CEP83: variants seen among roughly 807,000 people sequenced by gnomAD.
The protein encoded by CEP83 is centrosomal protein 83.
Under a neutral mutation model 101.9 loss-of-function variants are expected in CEP83, and 70 were observed. That is an observed-to-expected ratio of 0.69 (90% CI 0.57 to 0.84). The LOEUF (loss-of-function observed/expected upper bound fraction) is 0.84, where lower values mean the gene tolerates loss of function less well. Among genes scored for constraint, CEP83 ranks in the 40% least tolerant of loss-of-function variants. The pLI, the probability that CEP83 is intolerant of heterozygous loss-of-function variation, is 0.00. For synonymous variants in CEP83, 264 were observed against 267.9 expected, an observed-to-expected ratio of 0.99 and a Z score of 0.14; for missense variants, 715 against 787.2, an observed-to-expected ratio of 0.91 and a Z score of 1.10.
chr12:94,443,758 A>G (rs1353875572), intron 1 of CEP83, among the ~76,000 whole-genome samples: 1 of 152,126 alleles, frequency 6.6e-6, no homozygotes. Flanking sequence ...AAGTGCTGGG[A>G]TTACAGGCAT....
rs529833311 is a variant in CEP83, at chr12:94,440,342, A to G, written c.-154-5015T>C. ...TGGTAAATGAATTCGGCAAAGTTTT[A>G]GGATACAAAATTGATGTACACAGAT... is the stretch of plus-strand genomic sequence containing the variant. On this transcript the variant is annotated intron_variant, in intron 1 of 16. Coordinates refer to ENST00000397809, the MANE Select transcript of CEP83 (RefSeq NM_016122.3). Among the ~76,000 whole-genome samples, 3 of 152,322 alleles carry G rather than the reference A, an allele frequency of 2.0e-5. No homozygotes were observed. The South Asian group carries it at 6.2e-4, about 32-fold the overall frequency.
intron 14 of CEP83, among the ~76,000 whole-genome samples, chr12:94,327,964 A>G (rs2059040552): frequency 6.6e-6 from 1 of 152,218 alleles, no homozygotes. Flanking sequence ...GCAAGATTAT[A>G]TAGTTATCAA....
At chr12:94,356,301 T>C (rs1366214483) in intron 11 of CEP83, among the ~76,000 whole-genome samples, 1 of 152,140 alleles carries the variant, frequency 6.6e-6, no homozygotes, top group Non-Finnish European at 1.5e-5. Context: ...AAGAGTATAG[T>C]GAAGTAACAG....
At chr12:94,302,343 A>G (rs139899977), downstream of CEP83, among the ~76,000 whole-genome samples, 14 of 152,302 alleles carry the variant, frequency 9.2e-5, no homozygotes, top group African/African-American at 3.4e-4. Flanking sequence ...TCTGTCTAGT[A>G]AAATCCTACC....
intron 6 of CEP83, 90 bp downstream of exon 6, chr12:94,400,760 G>A (rs1483091908): frequency 1.5e-5 from 10 of 684,850 alleles, no homozygotes; most frequent in African/African-American, 1.9e-5. Flanking sequence ...CTATACAATC[G>A]ACTCTAATTT....
chr12:94,430,597 G>A (rs569083900), intron 2 of CEP83, among the ~76,000 whole-genome samples: 4 of 152,182 alleles, frequency 2.6e-5, no homozygotes, highest in African/African-American at 7.2e-5. Context: ...AAAAAACAGT[G>A]AGCAAAGCCT....
the CEP83 span, among the ~76,000 whole-genome samples, chr12:94,284,082 C>T: frequency 2.5e-4 from 27 of 109,970 alleles, no homozygotes; most frequent in African/African-American, 9.4e-4. Flanking sequence ...GACTCCATGT[C>T]AGGGGAAAAA....
chr12:94,340,826 C>G (rs941597489), intron 11 of CEP83, among the ~76,000 whole-genome samples: 10 of 152,110 alleles, frequency 6.6e-5, no homozygotes, highest in Admixed American at 2.0e-4. Context: ...AGAGATAGGA[C>G]AGCAGACAAA....
At chr12:94,439,395 T>C (rs1566211627) in intron 1 of CEP83, among the ~76,000 whole-genome samples, 1 of 152,134 alleles carries the variant, frequency 6.6e-6, no homozygotes, top group Non-Finnish European at 1.5e-5. Flanking sequence ...ATGGCTACTA[T>C]GAACATCTTT....
chr12:94,392,712 T>C lies in CEP83; in HGVS notation c.549+8138A>G, dbSNP rs572173655. ...TCAATGAATCCAGGAGCTGGTTTTT[T>C]GAAAAGATCAACAAAATTGATAAAC... On this transcript the variant is annotated intron_variant, in intron 6 of 16. Coordinates refer to ENST00000397809, the MANE Select transcript of CEP83 (RefSeq NM_016122.3). 1.1e-3 allele frequency among the ~76,000 whole-genome samples: 166 copies of C among 152,248 alleles called. 1 individual carries two copies. Among genetic ancestry groups the C allele is most frequent in the African/African-American group, 3.3e-3 (137 of 41,540 alleles).
intron 14 of CEP83, among the ~76,000 whole-genome samples, chr12:94,313,605 G>A (rs576252645): frequency 2.1e-4 from 31 of 150,780 alleles, no homozygotes; most frequent in Admixed American, 5.3e-4. Flanking sequence ...TTGGGAGGCC[G>A]AGGCGGACAG....
chr12:94,391,711 AG>A (rs1195537348), intron 6 of CEP83, among the ~76,000 whole-genome samples: 12 of 152,154 alleles, frequency 7.9e-5, no homozygotes, highest in Admixed American at 7.9e-4. Flanking sequence ...AAGACCCATC[AG>A]TGTGCTGTAT....
intron 12 of CEP83, among the ~76,000 whole-genome samples, chr12:94,334,685 T>C (rs1169810986): frequency 6.6e-6 from 1 of 152,124 alleles, no homozygotes. Context: ...ACAATTCAGA[T>C]AGGATTCTGA....
chr12:94,459,443 T>C (rs1446534341), intron 1 of CEP83, 114 bp downstream of exon 1: 1 of 152,194 alleles, frequency 6.6e-6, no homozygotes, highest in Non-Finnish European at 1.5e-5. Flanking sequence ...AGCACGAGCT[T>C]CCACTACTTT....
At chr12:94,268,588 C>CTTTTTTTTTTTTTTTTTTTTTTTTTT in the CEP83 span, among the ~76,000 whole-genome samples, 1 of 90,884 alleles carries the variant, frequency 1.1e-5, no homozygotes. Context: ...AGAATAAGAC[C>CTTTTTTTTTTTTTTTTTTTTTTTTTT]TTTTTTTTTT....
the CEP83 span, among the ~76,000 whole-genome samples, chr12:94,274,398 C>G: frequency 1.3e-5 from 2 of 152,078 alleles, no homozygotes; most frequent in African/African-American, 4.8e-5. Flanking sequence ...CATGACCAGT[C>G]CCTGGTGAAA....
At chr12:94,265,901 A>AT in the CEP83 span, among the ~76,000 whole-genome samples, 1 of 152,016 alleles carries the variant, frequency 6.6e-6, no homozygotes, top group Non-Finnish European at 1.5e-5. Flanking sequence ...TTTGGGGCAC[A>AT]TTTGGGAATT....
chr12:94,410,733 T>C (rs971287008), intron 4 of CEP83, among the ~76,000 whole-genome samples: 1 of 152,200 alleles, frequency 6.6e-6, no homozygotes, highest in African/African-American at 2.4e-5. Context: ...TAAATTACAT[T>C]TCCCTCTTCG....
chr12:94,301,365 C>CA, the CEP83 span, among the ~76,000 whole-genome samples: 4 of 152,232 alleles, frequency 2.6e-5, no homozygotes, highest in African/African-American at 7.2e-5. Flanking sequence ...ACTATTAACC[C>CA]AAAATATGCA....
Sources: allele counts gnomAD v4.1 joint callset (sites outside exome capture counted in the v4.1 genomes callset), GRCh38; gene constraint gnomAD v4.1.1; transcripts MANE v1.5; gene names NCBI Gene and HGNC (gene_info 2026-07-23, HGNC 2026-07-21).